The following ROBO1 variants were observed in gnomAD, a reference collection of about 807,000 sequenced individuals.
ROBO1 encodes the protein roundabout homolog 1.
In ROBO1, 149 loss-of-function variants were observed where a neutral mutation model predicts 195.9. The ratio of observed to expected loss-of-function variants is 0.76; its 90% CI spans 0.67 to 0.87. The LOEUF (loss-of-function observed/expected upper bound fraction) is 0.87. ROBO1 is among the 40% of genes least tolerant of loss of function. The probability of loss-of-function intolerance (pLI) is 0.00; values close to 1 mark genes in which losing one functional copy is unlikely to be tolerated. For synonymous variants in ROBO1, 816 were observed against 733.2 expected (o/e 1.11, Z -1.82); for missense variants, 1,933 against 2,068.3 (o/e 0.93, Z 1.27).
At chr3:79,364,740 AT>A (rs2035903257) in intron 2 of ROBO1, among the ~76,000 whole-genome samples, 1 of 152,198 alleles carries the variant, frequency 6.6e-6, no homozygotes, top group Admixed American at 6.5e-5. Flanking sequence ...CAAAAAAGGC[AT>A]TGACATCAAC....
At position 79,520,172 on chromosome 3, in the gene ROBO1, AAGAG is replaced by A. The variant is rs573671859; in HGVS notation, c.88+69648_88+69651del. 4.2e-4 allele frequency among the ~76,000 whole-genome samples: 63 copies of A among 149,408 alleles called. 1 individual carries two copies. Among genetic ancestry groups the A allele is most frequent in the East Asian group, 1.8e-3 (9 of 5,142 alleles). The stretch of plus-strand genomic sequence containing the variant: ...AAGATTCTATCAAAAAAAAAAAAAA[AAGAG>A]AGAGAGAGAGTCTTTGTGTACCCCC... On this transcript the variant is annotated intron_variant, in intron 2 of 30. Coordinates refer to ENST00000464233, the MANE Select transcript of ROBO1 (RefSeq NM_002941.4).
intron 1 of ROBO1, among the ~76,000 whole-genome samples, chr3:79,646,269 CA>C (rs1560066762): frequency 6.6e-6 from 1 of 152,012 alleles, no homozygotes; most frequent in African/African-American, 2.4e-5. Flanking sequence ...AGACACTTCT[CA>C]AAAGAAGACA....
At chr3:79,357,172 A>G (rs1229821109) in intron 2 of ROBO1, among the ~76,000 whole-genome samples, 3 of 152,144 alleles carry the variant, frequency 2.0e-5, no homozygotes, top group Non-Finnish European at 4.4e-5. Context: ...CACCTAAAAA[A>G]TTATTAGAAG....
At chr3:78,616,465 C>A (rs1704120213) in intron 27 of ROBO1, among the ~76,000 whole-genome samples, 1 of 152,026 alleles carries the variant, frequency 6.6e-6, no homozygotes, top group South Asian at 2.1e-4. Context: ...TATTAGAAAT[C>A]TTTTTCCTGT....
intron 1 of ROBO1, among the ~76,000 whole-genome samples, chr3:79,667,396 T>A (rs1419351553): frequency 6.6e-6 from 1 of 151,816 alleles, no homozygotes; most frequent in East Asian, 1.9e-4. Context: ...TTGTATTTAA[T>A]ATACATTGTT....
At chr3:79,335,089 T>C (rs1342136897) in intron 2 of ROBO1, among the ~76,000 whole-genome samples, 1 of 152,032 alleles carries the variant, frequency 6.6e-6, no homozygotes, top group Non-Finnish European at 1.5e-5. Flanking sequence ...TGAACTCCAG[T>C]CTGGGTGACA....
At chr3:78,720,646 C>T (rs2082018177) in intron 5 of ROBO1, among the ~76,000 whole-genome samples, 1 of 152,106 alleles carries the variant, frequency 6.6e-6, no homozygotes, top group South Asian at 2.1e-4. Flanking sequence ...CATGCACACG[C>T]ATGTTTATTA....
intron 2 of ROBO1, among the ~76,000 whole-genome samples, chr3:79,494,957 A>T (rs1280137819): frequency 6.6e-6 from 1 of 152,144 alleles, no homozygotes; most frequent in Non-Finnish European, 1.5e-5. Context: ...CAATATTTCT[A>T]CACTTTGTTT....
At chr3:79,065,027 C>G (rs953304573) in intron 3 of ROBO1, among the ~76,000 whole-genome samples, 3 of 151,952 alleles carry the variant, frequency 2.0e-5, no homozygotes, top group African/African-American at 7.2e-5. Context: ...TTTCTGTGAT[C>G]AGGTGGAGGT....
intron 2 of ROBO1, among the ~76,000 whole-genome samples, chr3:79,424,444 A>G (rs2038361829): frequency 6.6e-6 from 1 of 151,776 alleles, no homozygotes; most frequent in Admixed American, 6.6e-5. Flanking sequence ...TATATATATC[A>G]TATACTCCTC....
chr3:79,649,214 A>C (rs2106732514), intron 1 of ROBO1, among the ~76,000 whole-genome samples: 1 of 152,232 alleles, frequency 6.6e-6, no homozygotes, highest in African/African-American at 2.4e-5. Context: ...ACAATATTTT[A>C]GCGGGCAAGA....
At chr3:79,321,632 G>A (rs144716243) in intron 2 of ROBO1, among the ~76,000 whole-genome samples, 15 of 152,266 alleles carry the variant, frequency 9.9e-5, no homozygotes, top group African/African-American at 3.6e-4. Flanking sequence ...TATAGTGATA[G>A]CCTAGAATGA....
At chr3:78,950,717 C>G (rs1488136131) in intron 3 of ROBO1, among the ~76,000 whole-genome samples, 1 of 149,162 alleles carries the variant, frequency 6.7e-6, no homozygotes, top group Non-Finnish European at 1.5e-5. Context: ...CATCAAGAAA[C>G]AGTCAAACCT....
chr3:78,801,877 G>C (rs2108579429), intron 4 of ROBO1, among the ~76,000 whole-genome samples: 1 of 152,190 alleles, frequency 6.6e-6, no homozygotes, highest in Admixed American at 6.5e-5. Context: ...ACAAGAACAG[G>C]AAACACTTCC....
intron 3 of ROBO1, among the ~76,000 whole-genome samples, chr3:79,106,494 A>G (rs1033377439): frequency 8.6e-5 from 13 of 151,658 alleles, no homozygotes; most frequent in African/African-American, 2.9e-4. Context: ...CTATAGAAAT[A>G]CCTGGATTTC....
chr3:79,272,738 G>C (rs1344249311), intron 2 of ROBO1, among the ~76,000 whole-genome samples: 1 of 151,984 alleles, frequency 6.6e-6, no homozygotes, highest in Non-Finnish European at 1.5e-5. Context: ...CCTAGCCGGG[G>C]GTGAATCATT....
At chr3:78,842,264 A>ATATGAGCCATATATATATTTATATG (rs2033280548) in intron 4 of ROBO1, among the ~76,000 whole-genome samples, 1 of 73,196 alleles carries the variant, frequency 1.4e-5, no homozygotes, top group Non-Finnish European at 2.6e-5. Flanking sequence ...ATATTTATAT[A>ATATGAGCCATATATATATTTATATG]TATGAGCCAT....
chr3:79,378,844 A>G (rs2036472601), intron 2 of ROBO1, among the ~76,000 whole-genome samples: 1 of 152,184 alleles, frequency 6.6e-6, no homozygotes, highest in Non-Finnish European at 1.5e-5. Context: ...AGAGCAATGG[A>G]GCAGGGAAAG....
At chr3:78,689,975 A>G (rs1261065740) in intron 8 of ROBO1, among the ~76,000 whole-genome samples, 1 of 149,198 alleles carries the variant, frequency 6.7e-6, no homozygotes, top group Non-Finnish European at 1.5e-5. Context: ...AGTTGTATCT[A>G]ATATACATAT....
Sources: gnomAD v4.1 joint callset for allele counts (sites outside exome capture counted in the v4.1 genomes callset) on GRCh38, gnomAD v4.1.1 for gene constraint, MANE v1.5 for transcripts, NCBI Gene and HGNC (gene_info 2026-07-23, HGNC 2026-07-21) for gene names.